ADGRL2: variants seen among roughly 807,000 people sequenced by gnomAD.
The protein encoded by ADGRL2 is calcium-independent alpha-latrotoxin receptor 2.
In ADGRL2, 44 loss-of-function variants were observed where a neutral mutation model predicts 157.4. The ratio of observed to expected loss-of-function variants is 0.28; its 90% CI spans 0.22 to 0.36. ADGRL2 has a LOEUF of 0.36. Ranked by LOEUF, ADGRL2 falls within the 10% of genes least tolerant of loss-of-function variation. The probability of loss-of-function intolerance (pLI) is 1.00; values close to 1 mark genes in which losing one functional copy is unlikely to be tolerated. For missense variants in ADGRL2, 1,510 were observed against 1,768.9 expected (o/e 0.85, Z 2.63); for synonymous variants, 585 against 624.7 (o/e 0.94, Z 0.95).
intron 3 of ADGRL2, among the ~76,000 whole-genome samples, chr1:81,609,444 C>T (rs767828499): frequency 3.9e-5 from 6 of 152,122 alleles, no homozygotes; most frequent in African/African-American, 7.2e-5. Context: ...TTATAATCAT[C>T]CCATGCTTTG....
intron 3 of ADGRL2, among the ~76,000 whole-genome samples, chr1:81,689,958 G>C (rs1029995942): frequency 2.6e-5 from 4 of 152,126 alleles, no homozygotes; most frequent in African/African-American, 7.2e-5. Context: ...CTGGAACTCA[G>C]ACTCTGTTAC....
chr1:81,585,861 CACA>C (rs1384507632), intron 3 of ADGRL2: 1 of 151,896 alleles, frequency 6.6e-6, no homozygotes, highest in East Asian at 1.9e-4. Flanking sequence ...AATAAATGCA[CACA>C]ACACACACAC....
intron 2 of ADGRL2, among the ~76,000 whole-genome samples, chr1:81,903,655 T>A (rs1308012040): frequency 6.7e-6 from 1 of 150,356 alleles, no homozygotes; most frequent in Non-Finnish European, 1.5e-5. Flanking sequence ...AGTAATTGCT[T>A]TGCAAGTAAT....
At chr1:81,518,797 C>CAAA (rs202132760) in intron 2 of ADGRL2, among the ~76,000 whole-genome samples, 2 of 108,184 alleles carry the variant, frequency 1.8e-5, no homozygotes, top group African/African-American at 3.0e-5. Context: ...GACCTTGTCT[C>CAAA]AAAAAAAAAA....
intron 2 of ADGRL2, among the ~76,000 whole-genome samples, chr1:81,762,831 T>A (rs1330063635): frequency 6.6e-6 from 1 of 151,916 alleles, no homozygotes; most frequent in African/African-American, 2.4e-5. Context: ...GGCAGGCAGA[T>A]CACGAGGTCA....
intron 3 of ADGRL2, among the ~76,000 whole-genome samples, chr1:81,615,048 T>C (rs2081615580): frequency 6.6e-6 from 1 of 151,876 alleles, no homozygotes; most frequent in South Asian, 2.1e-4. Context: ...TAAAAACAGA[T>C]ATCAGTAAAC....
At chr1:81,313,348 A>G (rs1168356056) in intron 1 of ADGRL2, among the ~76,000 whole-genome samples, 3 of 152,180 alleles carry the variant, frequency 2.0e-5, no homozygotes, top group Non-Finnish European at 4.4e-5. Context: ...GATGCTTCCT[A>G]TGCTGGGGGT....
chr1:81,466,240 G>T (rs550679165), intron 2 of ADGRL2, among the ~76,000 whole-genome samples: 5 of 152,164 alleles, frequency 3.3e-5, no homozygotes, highest in Non-Finnish European at 5.9e-5. Flanking sequence ...GATGCATTAC[G>T]TGGCAATTCC....
chr1:81,525,387 G>A (rs928499352), intron 2 of ADGRL2, among the ~76,000 whole-genome samples: 3 of 151,856 alleles, frequency 2.0e-5, no homozygotes, highest in African/African-American at 7.3e-5. Flanking sequence ...GTGCGATCCC[G>A]GCTCACTGCA....
At chr1:81,612,619 G>T (rs543665837) in intron 3 of ADGRL2, among the ~76,000 whole-genome samples, 30 of 151,934 alleles carry the variant, frequency 2.0e-4, no homozygotes, top group Non-Finnish European at 3.4e-4. Context: ...GTTGGCAATT[G>T]TTTGTTGTGG....
chr1:81,323,225 G>T (rs1660654360), intron 1 of ADGRL2, among the ~76,000 whole-genome samples: 1 of 151,490 alleles, frequency 6.6e-6, no homozygotes, highest in African/African-American at 2.4e-5. Context: ...ACAGAAAATA[G>T]AAAAGAAAAT....
intron 2 of ADGRL2, among the ~76,000 whole-genome samples, chr1:81,768,056 TA>T (rs1233454446): frequency 6.6e-6 from 1 of 152,174 alleles, no homozygotes; most frequent in African/African-American, 2.4e-5. Context: ...TTATTTTTAT[TA>T]TTTTTAGAGA....
intron 1 of ADGRL2, among the ~76,000 whole-genome samples, chr1:81,350,345 C>A (rs111894080): frequency 2.3e-4 from 35 of 152,230 alleles, no homozygotes; most frequent in African/African-American, 8.4e-4. Context: ...GCTCATAACA[C>A]TGTAGAGTGA....
Position 81,981,771 on chromosome 1 carries a change from A to T in ADGRL2, c.3114-37A>T, listed in dbSNP as rs760244479. The T allele has an allele frequency of 1.0e-5, 16 of 1,573,560 alleles. No homozygotes were observed. The South Asian group carries it at 1.7e-4, about 17-fold the overall frequency. On this transcript the variant is annotated intron_variant, in intron 18 of 23. Transcript: ENST00000686636. ...TAAGCGTGATGTGTGTTTTTTGCTC[A>T]TTGAACCTGTTAAAAAAGTTCACTT...
chr1:81,569,020 G>A (rs1204526934), intron 2 of ADGRL2, among the ~76,000 whole-genome samples: 1 of 151,924 alleles, frequency 6.6e-6, no homozygotes, highest in South Asian at 2.1e-4. Flanking sequence ...TTAAAATGTA[G>A]AATAAAAATT....
intron 2 of ADGRL2, among the ~76,000 whole-genome samples, chr1:81,449,792 T>C (rs2077672319): frequency 6.6e-6 from 1 of 152,112 alleles, no homozygotes; most frequent in Non-Finnish European, 1.5e-5. Context: ...GGTTTCACCA[T>C]GTTGCCCAGG....
At position 81,970,353 on chromosome 1, in the gene ADGRL2, T is replaced by A. The variant is rs368282486; in HGVS notation, c.2773T>A (p.Phe925Ile). The change falls in exon 16 of 24, where the codon TTT becomes ATT. Residue 925 changes from phenylalanine to isoleucine, a missense_variant. This residue lies in a region of ADGRL2 where 497 missense variants were observed against 627.2 expected (regional missense o/e 0.79). Coordinates refer to ENST00000686636, the MANE Select transcript of ADGRL2 (RefSeq NM_001366006.2). ...ATTTGCAGGACTTCTACACTTTTTC[T>A]TTTTGGCAGCTTTTGCTTGGATGTG... is the stretch of plus-strand genomic sequence containing the variant. Reference protein sequence around the residue: ...PIFAGLLHFFFLAAFAWMCLE... With the variant: ...PIFAGLLHFFILAAFAWMCLE... 3.1e-6 allele frequency: 5 copies of A among 1,599,790 alleles called. No homozygotes were observed. In the African/African-American group the frequency reaches 6.8e-5, roughly 22 times the overall value.
intron 2 of ADGRL2, among the ~76,000 whole-genome samples, chr1:81,509,312 G>T (rs759948104): frequency 5.9e-5 from 9 of 151,706 alleles, no homozygotes; most frequent in Non-Finnish European, 4.4e-5. Context: ...AAGACATACT[G>T]TCTTCCATTC....
At chr1:81,896,560 T>G (rs2094392834) in intron 2 of ADGRL2, among the ~76,000 whole-genome samples, 1 of 152,150 alleles carries the variant, frequency 6.6e-6, no homozygotes, top group African/African-American at 2.4e-5. Flanking sequence ...ATTTATAAAC[T>G]CAAAACTTTA....
Sources: allele counts gnomAD v4.1 joint callset (sites outside exome capture counted in the v4.1 genomes callset), GRCh38; gene constraint gnomAD v4.1.1; regional missense constraint gnomAD v4.1.1; transcripts MANE v1.5; gene names NCBI Gene and HGNC (gene_info 2026-07-23, HGNC 2026-07-21).